Variants in ARRB2 observed in about 807,000 individuals in gnomAD.
The protein encoded by ARRB2 is beta-arrestin-2.
ARRB2 carries 21 observed loss-of-function variants against 53.4 expected under a neutral mutation model. That is an observed-to-expected ratio of 0.39 (90% CI 0.28 to 0.57). The LOEUF (loss-of-function observed/expected upper bound fraction) is 0.57. Ranked by LOEUF, ARRB2 falls within the 20% of genes least tolerant of loss-of-function variation. ARRB2 has a pLI of 0.55. For synonymous variants in ARRB2, 180 were observed against 212.9 expected (o/e 0.85, Z 1.34); for missense variants, 369 against 527.5 (o/e 0.70, Z 2.94).
At chr17:4,719,445 C>T (rs1267889534) in intron 11 of ARRB2, 25 bp downstream of exon 11, 4 of 1,610,868 alleles carry the variant, frequency 2.5e-6, no homozygotes, top group Non-Finnish European at 3.4e-6. Flanking sequence ...GGGGCGGGTC[C>T]CCTGCAGGCC....
chr17:4,715,833 C>A (rs988549892), intron 2 of ARRB2, 140 bp from the exon 3 acceptor site: 17 of 948,368 alleles, frequency 1.8e-5, no homozygotes, highest in Middle Eastern at 4.3e-4. Flanking sequence ...CACTTTCCAA[C>A]ACTATTGGGA....
chr17:4,714,910 CT>C, intron 1 of ARRB2, 102 bp from the exon 2 acceptor site: 1 of 1,265,936 alleles, frequency 7.9e-7, no homozygotes, highest in Non-Finnish European at 1.1e-6. Flanking sequence ...GGCAGGAGGC[CT>C]GGGTGAGCAC....
chr17:4,715,880 TG>T, intron 2 of ARRB2, 92 bp from the exon 3 acceptor site: 1 of 1,404,592 alleles, frequency 7.1e-7, no homozygotes, highest in Non-Finnish European at 1.0e-6. Context: ...TAGCCCAGCC[TG>T]GAGATCCCCG....
At chr17:4,711,693 G>A (rs1243918747) in intron 1 of ARRB2, among the ~76,000 whole-genome samples, 1 of 152,150 alleles carries the variant, frequency 6.6e-6, no homozygotes, top group East Asian at 1.9e-4. Context: ...TCAGAGAGAT[G>A]ATCCGTCTCC....
Position 4,717,670 on chromosome 17 carries a change from TCTCCC to T in ARRB2, c.418-8_418-4del. 1 of 1,613,926 alleles carries T rather than the reference TCTCCC, an allele frequency of 6.2e-7. No homozygotes were observed. Among genetic ancestry groups the T allele is most frequent in the South Asian group, 1.1e-5 (1 of 91,074 alleles). ...GAGCCTCCGGTAAGATGTGGCCTTTTCTCCCCTCCCCGAGGCCTGCGGCGTAGACT... is the reference window on the plus strand; with the variant it reads ...GAGCCTCCGGTAAGATGTGGCCTTTTCTCCCCGAGGCCTGCGGCGTAGACT... On this transcript the variant is annotated splice_polypyrimidine_tract_variant and intron_variant, in intron 6 of 14. Transcript: ENST00000269260. The surrounding 1 kb of genome is among the most constrained non-coding windows in gnomAD (Gnocchi z 6.0).
chr17:4,717,365 C>G lies in ARRB2; in HGVS notation c.417+89C>G, dbSNP rs1183548351. ...ACAGCTGAGCCAGAGGGTGAACTGT[C>G]GAGATGCCAGGGTGGGGCCGAGGGT... On this transcript the variant is annotated intron_variant, in intron 6 of 14. Transcript: ENST00000269260. This position sits in a 1 kb window ranked among gnomAD's most constrained non-coding sequence, Gnocchi z 6.0. 1.1e-5 allele frequency: 17 copies of G among 1,504,170 alleles called. No individual in the cohort carries two copies. The highest frequency in any genetic ancestry group is 1.4e-5 in the Non-Finnish European group (15 of 1,081,226). 93.2% of individuals were successfully genotyped at this position (1,504,170 alleles called of 1,614,324 possible). A position where few individuals can be genotyped will look rare whatever the true frequency, so the allele number is the denominator to read the frequency against.
chr17:4,718,135 G>A (rs1012955419), intron 8 of ARRB2, 112 bp downstream of exon 8: 2 of 1,564,824 alleles, frequency 1.3e-6, no homozygotes, highest in Non-Finnish European at 8.7e-7. Flanking sequence ...GGCTGGGTGT[G>A]GACAGTTGCC....
chr17:4,713,098 T>A (rs751316798), intron 1 of ARRB2, among the ~76,000 whole-genome samples: 44 of 152,242 alleles, frequency 2.9e-4, no homozygotes, highest in Non-Finnish European at 5.1e-4. Flanking sequence ...GGCTCACGCC[T>A]GTAATCCCAG....
intron 2 of ARRB2, 182 bp from the exon 3 acceptor site, chr17:4,715,791 A>G: frequency 1.5e-6 from 1 of 648,664 alleles, no homozygotes. Context: ...AAAAGCCTAA[A>G]GGTCCACTAG....
rs1915551196 is a variant in ARRB2, at chr17:4,720,221, A to G, written c.923A>G (p.Lys308Arg). 1 of 1,612,678 alleles carries G rather than the reference A, an allele frequency of 6.2e-7. No individual in the cohort carries two copies. The highest frequency in any genetic ancestry group is 1.3e-5 in the African/African-American group (1 of 74,858). Residue 308 changes from lysine (K) to arginine (R), a missense_variant, in exon 12 of 15, where the codon AAG becomes AGG. Lys to Arg is a conservative substitution (Grantham distance 26, BLOSUM62 2). Transcript: ENST00000269260. ...TCCAACACCCTCAATTGCAGCGTGA[A>G]GGAGGGTGCCAACAAGGAGGTGCTG... is the stretch of plus-strand genomic sequence containing the variant. The part of the protein sequence containing the change: ...DTNLASSTIV[K>R]EGANKEVLGI...
intron 9 of ARRB2, 80 bp from the exon 10 acceptor site, chr17:4,718,532 C>T: frequency 6.8e-7 from 1 of 1,462,228 alleles, no homozygotes; most frequent in Non-Finnish European, 9.4e-7. Context: ...ATGGGGGGGC[C>T]ACGCCACGGG....
Position 4,720,993 on chromosome 17 carries a change from G to C in ARRB2, c.1184G>C (p.Arg395Pro). Reference sequence around the variant, plus strand: ...GTGTTTGAGGACTTTGCCCGGCTTCGGCTGAAGGGGATGAAGGATGACGAC... The same window carrying C: ...GTGTTTGAGGACTTTGCCCGGCTTCCGCTGAAGGGGATGAAGGATGACGAC... ...DIVFEDFARL[R>P]LKGMKDDDYD... Residue 395 changes from arginine to proline, a missense_variant, in exon 15 of 15, where the codon CGG (arginine) becomes CCG (proline). By Grantham distance (103) the Arg-to-Pro change is moderately radical (BLOSUM62 -2). Transcript: ENST00000269260. The C allele has an allele frequency of 6.2e-7, 1 of 1,614,058 alleles. No individual in the cohort carries two copies. Among genetic ancestry groups the C allele is most frequent in the Non-Finnish European group, 8.5e-7 (1 of 1,180,012 alleles).
rs150787978 is a variant in ARRB2, at chr17:4,715,694, GAC to G, written c.55-249_55-248del. On this transcript the variant is annotated intron_variant, in intron 2 of 14. Coordinates refer to ENST00000269260, the MANE Select transcript of ARRB2 (RefSeq NM_004313.4). ...ACACACACCTGACTGGTTGGCTGAG[GAC>G]ACACACACACACACACACACACACA... The G allele has an allele frequency of 8.0e-4, 353 of 443,458 alleles. 2 individuals are homozygous for G. The highest frequency in any genetic ancestry group is 6.7e-3 in the African/African-American group (313 of 46,442). The allele number at this position is 443,458 out of a possible 1,614,324, so 27.5% of individuals were successfully genotyped here.
intron 1 of ARRB2, 35 bp downstream of exon 1, chr17:4,710,779 C>T (rs1384652757): frequency 6.0e-6 from 2 of 330,900 alleles, no homozygotes; most frequent in Non-Finnish European, 1.1e-5. Context: ...GGGGCATGGG[C>T]GGCGGCTCGG....
intron 1 of ARRB2, among the ~76,000 whole-genome samples, chr17:4,713,038 G>T (rs908351427): frequency 1.3e-5 from 2 of 152,080 alleles, no homozygotes; most frequent in African/African-American, 4.8e-5. Context: ...ACCCAGGCTG[G>T]AGTGCAGTGG....
intron 2 of ARRB2, 22 bp downstream of exon 2, chr17:4,715,065 C>A: frequency 6.2e-7 from 1 of 1,602,898 alleles, no homozygotes; most frequent in Non-Finnish European, 8.5e-7. Flanking sequence ...CAGCACTTAC[C>A]CTTTTGACCC....
intron 13 of ARRB2, 24 bp downstream of exon 13, chr17:4,720,496 C>G (rs1340621428): frequency 1.2e-6 from 2 of 1,602,170 alleles, no homozygotes; most frequent in Admixed American, 3.4e-5. Flanking sequence ...CCACCCCAAG[C>G]CCTCAGAGGG....
At chr17:4,715,169 A>G (rs751666429) in intron 2 of ARRB2, 126 bp downstream of exon 2, 1 of 1,130,810 alleles carries the variant, frequency 8.8e-7, no homozygotes, top group South Asian at 1.6e-5. Context: ...TTCCTGTGAC[A>G]GCTAAGCGCC....
chr17:4,719,095 A>C (rs1483268916), intron 10 of ARRB2, among the ~76,000 whole-genome samples, 188 bp from the exon 11 acceptor site: 1 of 152,184 alleles, frequency 6.6e-6, no homozygotes, highest in Non-Finnish European at 1.5e-5. Context: ...TTAAAAGGGT[A>C]TTCCCTCCAC....
Sources: gnomAD v4.1 joint callset for allele counts (sites outside exome capture counted in the v4.1 genomes callset) on GRCh38, gnomAD v4.1.1 for gene constraint, Gnocchi (gnomAD v3.1) non-coding constraint, MANE v1.5 for transcripts, NCBI Gene and HGNC (gene_info 2026-07-23, HGNC 2026-07-21) for gene names.